The following HDAC9 variants were observed in gnomAD, a reference collection of about 807,000 sequenced individuals.
The protein encoded by HDAC9 is MEF-2 interacting transcription repressor (MITR) protein.
Under a neutral mutation model 139.4 loss-of-function variants are expected in HDAC9, and 41 were observed. The ratio of observed to expected loss-of-function variants is 0.29; its 90% confidence interval spans 0.23 to 0.38. The LOEUF (loss-of-function observed/expected upper bound fraction) is 0.38. HDAC9 is among the 10% of genes least tolerant of loss of function. The probability of loss-of-function intolerance (pLI) is 1.00; values close to 1 mark genes in which losing one functional copy is unlikely to be tolerated. For synonymous variants in HDAC9, 517 were observed against 476.2 expected, an observed-to-expected ratio of 1.09 and a Z score of -1.12; for missense variants, 1,147 against 1,297.0, an observed-to-expected ratio of 0.88 and a Z score of 1.78.
intron 11 of HDAC9, among the ~76,000 whole-genome samples, chr7:18,654,990 C>T (rs1790625741): frequency 6.6e-6 from 1 of 152,170 alleles, no homozygotes; most frequent in South Asian, 2.1e-4. Flanking sequence ...TGTCACATTG[C>T]CGTTGTTTTA....
At chr7:18,333,044 G>A (rs1781313136) in intron 1 of HDAC9, among the ~76,000 whole-genome samples, 1 of 151,508 alleles carries the variant, frequency 6.6e-6, no homozygotes, top group Admixed American at 6.6e-5. Context: ...GTATTAATTT[G>A]TGTGCCAAAA....
At chr7:18,703,052 T>C (rs1783627487) in intron 12 of HDAC9, among the ~76,000 whole-genome samples, 2 of 152,168 alleles carry the variant, frequency 1.3e-5, no homozygotes, top group South Asian at 4.1e-4. Flanking sequence ...GAATATTAAA[T>C]ATTTTATGGT....
In HDAC9 at chr7:18,161,354, C is replaced by T. The variant is rs73315796; in HGVS notation, c.-96-875C>T. On this transcript the variant is annotated intron_variant, in intron 1 of 12. Transcript: ENST00000417496. ...CACTTTCAAAATAGTGACGGAAAAA[C>T]GAGTCACAATAAATACGTTGGATTC... Among the ~76,000 whole-genome samples, 371 of 152,102 alleles carry T rather than the reference C, an allele frequency of 2.4e-3. 1 individual carries two copies. The highest frequency in any genetic ancestry group is 8.4e-3 in the African/African-American group (347 of 41,524).
At chr7:18,290,138 C>A, upstream of HDAC9, 1 of 182,776 alleles carries the variant, frequency 5.5e-6, no homozygotes. Context: ...TTTCCTTCTC[C>A]TCCTCCTCCT....
At chr7:18,131,244 G>A (rs544359834) in intron 1 of HDAC9, among the ~76,000 whole-genome samples, 3 of 152,238 alleles carry the variant, frequency 2.0e-5, no homozygotes, top group East Asian at 1.9e-4. Context: ...TTTCTCAAAA[G>A]GTGAGCTCTC....
At chr7:18,150,073 T>G (rs967453053) in intron 1 of HDAC9, among the ~76,000 whole-genome samples, 1 of 115,816 alleles carries the variant, frequency 8.6e-6, no homozygotes, top group African/African-American at 3.1e-5. Flanking sequence ...TGCACTTTAT[T>G]AGGGTTTTTT....
intron 2 of HDAC9, among the ~76,000 whole-genome samples, chr7:18,172,130 T>C (rs892136750): frequency 6.6e-6 from 1 of 152,232 alleles, no homozygotes; most frequent in African/African-American, 2.4e-5. Context: ...GAGCCTGTTA[T>C]TGGTCTATTC....
chr7:18,876,469 T>C lies in HDAC9; in HGVS notation c.2803+1873T>C, dbSNP rs562688726. Among the ~76,000 whole-genome samples, 8 of 152,304 alleles carry C rather than the reference T, an allele frequency of 5.3e-5. No homozygotes were observed. The East Asian group carries it at 1.4e-3, about 26-fold the overall frequency. Reference sequence around the variant, plus strand: ...CTTTACCTTTTGCGTATTTGCAGTTTAATAAGGAAAAATATATACAATGAG... The same window carrying C: ...CTTTACCTTTTGCGTATTTGCAGTTCAATAAGGAAAAATATATACAATGAG... On this transcript the variant is annotated intron_variant, in intron 22 of 25. Coordinates refer to ENST00000686413, the MANE Select transcript of HDAC9 (RefSeq NM_178425.4).
At chr7:18,204,062 A>G (rs1332067996) in intron 2 of HDAC9, among the ~76,000 whole-genome samples, 4 of 152,218 alleles carry the variant, frequency 2.6e-5, no homozygotes, top group African/African-American at 9.6e-5. Context: ...CTAGTTAGAT[A>G]TCAATGGGCT....
intron 22 of HDAC9, among the ~76,000 whole-genome samples, chr7:18,908,147 C>G (rs1563046127): frequency 6.6e-6 from 1 of 151,880 alleles, no homozygotes; most frequent in African/African-American, 2.4e-5. Context: ...CATTAATATT[C>G]TAGAAATAAG....
chr7:18,279,486 A>G (rs1412142323), intron 2 of HDAC9, among the ~76,000 whole-genome samples: 1 of 151,434 alleles, frequency 6.6e-6, no homozygotes, highest in Non-Finnish European at 1.5e-5. Flanking sequence ...TTTTTGAGGC[A>G]AAGTCTCACT....
intron 1 of HDAC9, among the ~76,000 whole-genome samples, chr7:18,414,924 G>A (rs1788909138): frequency 6.6e-6 from 1 of 151,920 alleles, no homozygotes; most frequent in Non-Finnish European, 1.5e-5. Flanking sequence ...TTTGTATTTG[G>A]TCCTCATTCT....
chr7:18,696,911 G>C (rs868426335), intron 12 of HDAC9, among the ~76,000 whole-genome samples: 2 of 152,110 alleles, frequency 1.3e-5, no homozygotes, highest in Non-Finnish European at 2.9e-5. Context: ...CATTCTCGGT[G>C]AGCATCATTG....
chr7:18,499,487 C>T (rs1797808675), intron 2 of HDAC9, among the ~76,000 whole-genome samples: 1 of 152,072 alleles, frequency 6.6e-6, no homozygotes, highest in African/African-American at 2.4e-5. Context: ...CACATTTTGT[C>T]AAGTACATCC....
Position 18,993,895 on chromosome 7 carries a change from G to C in HDAC9, c.3171-2128G>C, listed in dbSNP as rs547437458. On this transcript the variant is annotated intron_variant, in intron 25 of 25. Transcript: ENST00000686413. ...CAATAGAAGGTGGGCAGCTATAAGTGGTTTATTCCAAAAAAAAGAGGTCAA... is the reference window on the plus strand; with the variant it reads ...CAATAGAAGGTGGGCAGCTATAAGTCGTTTATTCCAAAAAAAAGAGGTCAA... Among the ~76,000 whole-genome samples, 296 of 152,164 alleles carry C rather than the reference G, an allele frequency of 1.9e-3. 2 individuals are homozygous for C. The highest frequency in any genetic ancestry group is 7.0e-3 in the African/African-American group (290 of 41,524).
intron 1 of HDAC9, among the ~76,000 whole-genome samples, chr7:18,472,190 C>A (rs1372182173): frequency 1.3e-5 from 2 of 152,076 alleles, no homozygotes; most frequent in Non-Finnish European, 2.9e-5. Flanking sequence ...TAATATCTAT[C>A]CCTCTCTACT....
intron 21 of HDAC9, among the ~76,000 whole-genome samples, chr7:18,872,465 A>G (rs912340140): frequency 6.6e-6 from 1 of 152,158 alleles, no homozygotes; most frequent in East Asian, 1.9e-4. Flanking sequence ...TGCATTCATC[A>G]TATTTAAGAA....
At chr7:18,698,914 C>A (rs1783253121) in intron 12 of HDAC9, among the ~76,000 whole-genome samples, 1 of 152,198 alleles carries the variant, frequency 6.6e-6, no homozygotes, top group African/African-American at 2.4e-5. Flanking sequence ...ATGTTCTAAG[C>A]ATGAAAGGTT....
intron 8 of HDAC9, among the ~76,000 whole-genome samples, chr7:18,640,785 G>C (rs1335340458): frequency 1.3e-5 from 2 of 151,916 alleles, no homozygotes; most frequent in East Asian, 3.9e-4. Flanking sequence ...AAGTCCAATG[G>C]TGTGCTTTCA....
Sources: allele counts gnomAD v4.1 joint callset (sites outside exome capture counted in the v4.1 genomes callset), GRCh38; gene constraint gnomAD v4.1.1; transcripts MANE v1.5; gene names NCBI Gene and HGNC (gene_info 2026-07-23, HGNC 2026-07-21).